Variants in RASSF8 observed in about 807,000 individuals in gnomAD.
The protein encoded by RASSF8 is Ras association domain family member 8, also known as ras association domain-containing protein 8.
Under a neutral mutation model 48.5 loss-of-function variants are expected in RASSF8, and 22 were observed. That is an observed-to-expected ratio of 0.45 (90% CI 0.32 to 0.65). RASSF8 has a LOEUF of 0.65. RASSF8 is among the 30% of genes least tolerant of loss of function. The pLI is 0.03. For missense variants in RASSF8, 418 were observed against 489.2 expected (o/e 0.85, Z 1.37); for synonymous variants, 127 against 171.5 (o/e 0.74, Z 2.03).
intron 2 of RASSF8, among the ~76,000 whole-genome samples, chr12:26,036,760 TA>T: frequency 6.6e-6 from 1 of 151,182 alleles, no homozygotes; most frequent in East Asian, 1.9e-4. Context: ...AAATAAAAAA[TA>T]AAAAAATAAA....
At chr12:26,055,158 G>A (rs1943574783) in intron 2 of RASSF8, 78 bp from the exon 3 acceptor site, 2 of 579,252 alleles carry the variant, frequency 3.5e-6, no homozygotes, top group African/African-American at 3.7e-5. Flanking sequence ...GTTAAAATTT[G>A]TTTTGTGTAA....
At chr12:26,020,494 A>C (rs1341767961) in intron 2 of RASSF8, 8 of 152,226 alleles carry the variant, frequency 5.3e-5, no homozygotes, top group Admixed American at 5.2e-4. Context: ...AACCAACCAT[A>C]AGAGAAAACA....
Position 26,064,730 on chromosome 12 carries a change from G to A in RASSF8, c.336G>A (p.Leu112=). 1.2e-6 allele frequency: 2 copies of A among 1,614,108 alleles called. No homozygotes were observed. Among genetic ancestry groups the A allele is most frequent in the Non-Finnish European group, 1.7e-6 (2 of 1,180,016 alleles). The part of the protein sequence containing the change: ...YRQSLPPLAK[L]RPQIDKSIKR... ...AGAGTCTGCCCCCCTTAGCTAAACTGAGGCCTCAGATTGACAAATCAATCA... is the reference window on the plus strand; with the variant it reads ...AGAGTCTGCCCCCCTTAGCTAAACTAAGGCCTCAGATTGACAAATCAATCA... Residue 112 remains leucine, a synonymous_variant, in exon 4 of 6, where the codon CTG becomes CTA. Coordinates refer to ENST00000689635, the MANE Select transcript of RASSF8 (RefSeq NM_001394098.1).
chr12:26,078,996 C>T (rs1219588134), intron 5 of RASSF8: 3 of 1,526,040 alleles, frequency 2.0e-6, no homozygotes, highest in African/African-American at 2.8e-5. Context: ...AACCTTAACT[C>T]TTTTTTGTTG....
intron 3 of RASSF8, among the ~76,000 whole-genome samples, chr12:26,055,788 T>G (rs1213004424): frequency 6.6e-6 from 1 of 152,202 alleles, no homozygotes; most frequent in African/African-American, 2.4e-5. Context: ...CCAGAATCCC[T>G]CATTAGGAAA....
rs766968005 is a variant in RASSF8 at position 26,067,609 on chromosome 12, G to A, written c.1034G>A (p.Arg345Gln). ...CTGGAGCAGTTGACTAAGGAGTTGC[G>A]GCAAGTCAATCTCCAGCAGTTCATC... ...QELEQLTKEL[R>Q]QVNLQQFIQQ... Residue 345 changes from arginine to glutamine, a missense_variant, in exon 5 of 6, where the codon CGG (arginine) becomes CAG (glutamine). Transcript: ENST00000689635. 11 of 1,613,766 alleles carry A rather than the reference G, an allele frequency of 6.8e-6. No homozygotes were observed. Among genetic ancestry groups the A allele is most frequent in the East Asian group, 2.2e-5 (1 of 44,854 alleles).
chr12:25,994,300 T>G (rs1304024605), intron 1 of RASSF8, among the ~76,000 whole-genome samples: 1 of 151,858 alleles, frequency 6.6e-6, no homozygotes, highest in East Asian at 1.9e-4. Flanking sequence ...AAATGGTTGA[T>G]GGAAGCTGGT....
chr12:25,962,842 C>T (rs1007336209), intron 1 of RASSF8, among the ~76,000 whole-genome samples: 2 of 152,084 alleles, frequency 1.3e-5, no homozygotes, highest in South Asian at 2.1e-4. Context: ...TAATATGAAA[C>T]GGCCTTTGCA....
chr12:26,029,120 C>T (rs1415742109), intron 2 of RASSF8, among the ~76,000 whole-genome samples: 2 of 152,212 alleles, frequency 1.3e-5, no homozygotes, highest in African/African-American at 2.4e-5. Flanking sequence ...ACAAGTCTCT[C>T]TTCTACCAGG....
At chr12:26,001,127 A>C (rs1439605331) in intron 2 of RASSF8, among the ~76,000 whole-genome samples, 1 of 151,042 alleles carries the variant, frequency 6.6e-6, no homozygotes, top group South Asian at 2.1e-4. Flanking sequence ...TGGGACTACA[A>C]GTGCATTTCA....
In RASSF8 at chr12:26,067,589, G is replaced by A; in HGVS notation, c.1014G>A (p.Glu338=). 6.2e-7 allele frequency: 1 copy of A among 1,613,740 alleles called. No homozygotes were observed. Among genetic ancestry groups the A allele is most frequent in the South Asian group, 1.1e-5 (1 of 91,060 alleles). Residue 338 remains glutamate (E), a synonymous_variant, in exon 5 of 6, where the codon GAG becomes GAA. Coordinates refer to ENST00000689635, the MANE Select transcript of RASSF8 (RefSeq NM_001394098.1). ...KRLQDKEQEL[E]QLTKELRQVN... ...TCTAGGACAAAGAACAGGAACTGGA[G>A]CAGTTGACTAAGGAGTTGCGGCAAG...
intron 1 of RASSF8, among the ~76,000 whole-genome samples, chr12:25,988,452 C>A (rs1377491599): frequency 1.3e-5 from 2 of 152,068 alleles, no homozygotes; most frequent in Admixed American, 6.5e-5. Flanking sequence ...CTAGAGCAAT[C>A]TGTAGTATTT....
intron 2 of RASSF8, chr12:26,021,451 C>T (rs1281948008): frequency 6.6e-6 from 1 of 152,258 alleles, no homozygotes; most frequent in Non-Finnish European, 1.5e-5. Flanking sequence ...AACCATATTT[C>T]ACTGGGAGAG....
intron 2 of RASSF8, among the ~76,000 whole-genome samples, chr12:26,039,489 G>A (rs1221100859): frequency 3.3e-5 from 5 of 151,922 alleles, no homozygotes; most frequent in Non-Finnish European, 7.4e-5. Flanking sequence ...GGCGGGGGTC[G>A]GTGTTGCAAA....
At chr12:25,976,673 T>G (rs557943575) in intron 1 of RASSF8, among the ~76,000 whole-genome samples, 1 of 152,290 alleles carries the variant, frequency 6.6e-6, no homozygotes, top group South Asian at 2.1e-4. Context: ...TGTACTTTCG[T>G]TTTCAGTAAA....
intron 1 of RASSF8, among the ~76,000 whole-genome samples, chr12:25,994,702 C>A (rs1174912964): frequency 6.6e-6 from 1 of 152,182 alleles, no homozygotes; most frequent in Non-Finnish European, 1.5e-5. Context: ...TGTGGTATCA[C>A]AGGGAGCTGG....
chr12:26,046,808 T>TGC (rs1943382197), intron 2 of RASSF8, among the ~76,000 whole-genome samples: 1 of 152,254 alleles, frequency 6.6e-6, no homozygotes, highest in African/African-American at 2.4e-5. Flanking sequence ...AATGTGTACC[T>TGC]GCTTAAGGAG....
downstream of RASSF8, among the ~76,000 whole-genome samples, chr12:26,073,034 T>C (rs1484923130): frequency 1.3e-5 from 2 of 152,218 alleles, no homozygotes; most frequent in Non-Finnish European, 2.9e-5. Flanking sequence ...TTCATCAAAG[T>C]AAAACTGAAT....
intron 1 of RASSF8, among the ~76,000 whole-genome samples, chr12:25,988,541 A>G (rs1034559435): frequency 6.6e-6 from 1 of 152,198 alleles, no homozygotes; most frequent in Non-Finnish European, 1.5e-5. Flanking sequence ...CAAAAATAGA[A>G]CTTAAAGTCA....
Sources: gnomAD v4.1 joint callset for allele counts (sites outside exome capture counted in the v4.1 genomes callset) on GRCh38, gnomAD v4.1.1 for gene constraint, MANE v1.5 for transcripts, NCBI Gene and HGNC (gene_info 2026-07-23, HGNC 2026-07-21) for gene names.